MMP26: variants seen among roughly 807,000 people sequenced by gnomAD.
MMP26 encodes the protein matrix metalloproteinase-26.
MMP26 carries 33 observed loss-of-function variants against 31.0 expected under a neutral mutation model. The observed-to-expected ratio is 1.06, with a 90% CI of 0.81 to 1.42. The LOEUF (loss-of-function observed/expected upper bound fraction) is 1.42. MMP26 is among the 40% of genes most tolerant of loss of function. The pLI, the probability that MMP26 is intolerant of heterozygous loss-of-function variation, is 0.00. For synonymous variants in MMP26, 122 were observed against 114.9 expected, an observed-to-expected ratio of 1.06 and a Z score of -0.40; for missense variants, 347 against 316.1, an observed-to-expected ratio of 1.10 and a Z score of -0.74.
chr11:4,766,693 TTCCC>T (rs751952136), intron 1 of MMP26, among the ~76,000 whole-genome samples: 4 of 49,340 alleles, frequency 8.1e-5, no homozygotes, highest in Non-Finnish European at 1.2e-4. Context: ...CCACTTTCCT[TTCCC>T]TCCCTCCCTC....
intron 2 of MMP26, among the ~76,000 whole-genome samples, chr11:4,936,733 T>G (rs1222626317): frequency 2.0e-5 from 3 of 152,256 alleles, no homozygotes; most frequent in African/African-American, 7.2e-5. Flanking sequence ...ATAAATGTAT[T>G]TTTTTGTAAT....
At chr11:4,860,713 G>T (rs2133512961) in intron 2 of MMP26, 1 of 317,808 alleles carries the variant, frequency 3.1e-6, no homozygotes, top group African/African-American at 2.2e-5. Flanking sequence ...ACATTTAGAT[G>T]ATATTTGTAA....
chr11:4,772,266 A>G (rs1038325344), intron 2 of MMP26, among the ~76,000 whole-genome samples: 1 of 152,214 alleles, frequency 6.6e-6, no homozygotes, highest in Non-Finnish European at 1.5e-5. Flanking sequence ...ATGCATATAA[A>G]TAGAAAATTT....
At chr11:4,786,401 G>A (rs757071619) in intron 2 of MMP26, among the ~76,000 whole-genome samples, 9 of 149,358 alleles carry the variant, frequency 6.0e-5, no homozygotes, top group Non-Finnish European at 1.2e-4. Flanking sequence ...AACTTCCTAT[G>A]AGAGTAGGAT....
intron 2 of MMP26, among the ~76,000 whole-genome samples, chr11:4,792,194 A>C (rs1033697278): frequency 6.6e-5 from 10 of 152,126 alleles, no homozygotes; most frequent in Non-Finnish European, 1.2e-4. Flanking sequence ...CTCAAAAAAA[A>C]AAAAGGATGT....
intron 2 of MMP26, among the ~76,000 whole-genome samples, chr11:4,901,635 G>A (rs567312599): frequency 6.6e-6 from 1 of 152,040 alleles, no homozygotes; most frequent in Non-Finnish European, 1.5e-5. Flanking sequence ...GATAAAAAAT[G>A]CTTTAGTTTG....
chr11:4,882,977 C>A, intron 2 of MMP26: 2 of 948,700 alleles, frequency 2.1e-6, no homozygotes, highest in Non-Finnish European at 3.2e-6. Flanking sequence ...GAGTCAATTC[C>A]AATTGAATTT....
intron 2 of MMP26, among the ~76,000 whole-genome samples, chr11:4,810,136 C>T (rs1849329937): frequency 6.6e-6 from 1 of 152,192 alleles, no homozygotes; most frequent in African/African-American, 2.4e-5. Context: ...TTTCCTCTCT[C>T]CTCTGTATAC....
At chr11:4,719,342 T>G (rs918955547) in intron 1 of MMP26, 4 of 153,460 alleles carry the variant, frequency 2.6e-5, no homozygotes, top group African/African-American at 4.8e-5. Flanking sequence ...AGCACATGTA[T>G]CTCCCATATT....
At chr11:4,840,689 C>G (rs1564791726) in intron 2 of MMP26, among the ~76,000 whole-genome samples, 3 of 152,162 alleles carry the variant, frequency 2.0e-5, no homozygotes, top group African/African-American at 4.8e-5. Flanking sequence ...ATCTATAAAG[C>G]CATCCCAAGA....
intron 1 of MMP26, among the ~76,000 whole-genome samples, chr11:4,766,017 G>A (rs925752601): frequency 2.0e-5 from 3 of 152,042 alleles, no homozygotes; most frequent in East Asian, 1.9e-4. Flanking sequence ...GTTAAAATTC[G>A]TATTCCAAAT....
intron 1 of MMP26, among the ~76,000 whole-genome samples, chr11:4,757,775 G>A (rs931553386): frequency 5.3e-5 from 8 of 150,724 alleles, no homozygotes; most frequent in African/African-American, 2.0e-4. Context: ...CCACTAGAAT[G>A]GCTATAAATA....
chr11:4,972,746 C>A (rs1386080674), intron 2 of MMP26, among the ~76,000 whole-genome samples: 3 of 152,092 alleles, frequency 2.0e-5, no homozygotes, highest in Non-Finnish European at 4.4e-5. Flanking sequence ...AGAGTGAAAC[C>A]TGGGAATACA....
chr11:4,866,762 A>C (rs1274899212), intron 2 of MMP26, among the ~76,000 whole-genome samples: 1 of 152,068 alleles, frequency 6.6e-6, no homozygotes, highest in Non-Finnish European at 1.5e-5. Flanking sequence ...AAGAACAGAA[A>C]ACCCAGAAAG....
intron 1 of MMP26, among the ~76,000 whole-genome samples, chr11:4,741,528 C>T (rs1848311292): frequency 6.6e-6 from 1 of 152,100 alleles, no homozygotes; most frequent in Admixed American, 6.6e-5. Context: ...AGCCATCATC[C>T]TCAGCACACT....
intron 1 of MMP26, among the ~76,000 whole-genome samples, chr11:4,739,755 C>T (rs998676031): frequency 6.6e-6 from 1 of 151,884 alleles, no homozygotes; most frequent in African/African-American, 2.4e-5. Flanking sequence ...TCAGCTTTTA[C>T]TCCTGCTCTT....
intron 2 of MMP26, chr11:4,804,298 A>G (rs1849232916): frequency 1.2e-6 from 2 of 1,614,018 alleles, no homozygotes; most frequent in Admixed American, 3.3e-5. Context: ...GGCAATCCAC[A>G]ACTGGAAACT....
At chr11:4,990,570 T>C (rs1846982799) in intron 4 of MMP26, 28 bp from the exon 5 acceptor site, 1 of 1,599,558 alleles carries the variant, frequency 6.3e-7, no homozygotes, top group South Asian at 1.1e-5. Flanking sequence ...TCCTCTGAAC[T>C]ATTTCATTTA....
At chr11:4,711,169 A>T (rs186998490) in intron 1 of MMP26, 1 of 152,346 alleles carries the variant, frequency 6.6e-6, no homozygotes, top group Admixed American at 6.5e-5. Context: ...TGCAATGAAC[A>T]TGTGGAAACT....
Sources: allele counts gnomAD v4.1 joint callset (sites outside exome capture counted in the v4.1 genomes callset), GRCh38; gene constraint gnomAD v4.1.1; transcripts MANE v1.5; gene names NCBI Gene and HGNC (gene_info 2026-07-23, HGNC 2026-07-21).